FHIT: variants seen among roughly 807,000 people sequenced by gnomAD.
FHIT encodes bis(5'-adenosyl)-triphosphatase.
Under a neutral mutation model 17.9 loss-of-function variants are expected in FHIT, and 19 were observed. The ratio of observed to expected loss-of-function variants is 1.06; its 90% CI spans 0.74 to 1.56. The LOEUF is 1.56. Ranked by LOEUF, FHIT falls within the 40% of genes most tolerant of loss-of-function variation. The probability of loss-of-function intolerance (pLI) is 0.00; values close to 1 mark genes in which losing one functional copy is unlikely to be tolerated. For missense variants in FHIT, 248 were observed against 189.2 expected (o/e 1.31, Z -1.82); for synonymous variants, 81 against 69.7 (o/e 1.16, Z -0.81).
intron 5 of FHIT, among the ~76,000 whole-genome samples, chr3:60,402,780 G>A (rs1701712675): frequency 6.6e-6 from 1 of 152,064 alleles, no homozygotes; most frequent in South Asian, 2.1e-4. Flanking sequence ...CTTGAGGATT[G>A]GGAATATCAG....
intron 8 of FHIT, among the ~76,000 whole-genome samples, chr3:59,774,528 A>ATGAGT (rs1212472360): frequency 1.3e-5 from 2 of 152,228 alleles, no homozygotes; most frequent in African/African-American, 4.8e-5. Flanking sequence ...TGAAGATTAA[A>ATGAGT]TGAGTTGATA....
In FHIT at chr3:60,306,764, T is replaced by A. The variant is rs150120310; in HGVS notation, c.103+230096A>T. On this transcript the variant is annotated intron_variant, in intron 5 of 9. Coordinates refer to ENST00000492590, the MANE Select transcript of FHIT (RefSeq NM_002012.4). ...CAAACACATTACATGATTTTACAAA[T>A]TTAAGGGAATGTGTAGAAGGAGTAC... Among the ~76,000 whole-genome samples, 8 of 152,266 alleles carry A rather than the reference T, an allele frequency of 5.3e-5. No individual in the cohort carries two copies. The East Asian group carries it at 1.5e-3, about 29-fold the overall frequency.
intron 5 of FHIT, among the ~76,000 whole-genome samples, chr3:60,182,112 G>A (rs1370947288): frequency 6.6e-6 from 1 of 152,186 alleles, no homozygotes; most frequent in Non-Finnish European, 1.5e-5. Flanking sequence ...CATGGCACTT[G>A]TAAACTGTCC....
chr3:60,505,238 C>G (rs965732867), intron 5 of FHIT, among the ~76,000 whole-genome samples: 1 of 152,158 alleles, frequency 6.6e-6, no homozygotes, highest in Admixed American at 6.5e-5. Flanking sequence ...CAGGCCTCTG[C>G]TATGGCTAAG....
intron 2 of FHIT, among the ~76,000 whole-genome samples, chr3:61,086,624 C>T (rs183892321): frequency 3.3e-5 from 5 of 152,234 alleles, no homozygotes; most frequent in African/African-American, 1.2e-4. Flanking sequence ...AATGCACCTC[C>T]TCCCTCCAGG....
chr3:60,598,495 G>C (rs1300815578), intron 4 of FHIT, among the ~76,000 whole-genome samples: 2 of 151,748 alleles, frequency 1.3e-5, no homozygotes, highest in Non-Finnish European at 2.9e-5. Flanking sequence ...AATTCCACTG[G>C]GCAACAAAAA....
intron 9 of FHIT, chr3:59,751,905 C>A (rs1575598825): frequency 6.9e-6 from 2 of 291,052 alleles, no homozygotes; most frequent in African/African-American, 2.1e-5. Flanking sequence ...AGAAGTTGTG[C>A]ATGACAGAAG....
chr3:60,840,207 A>T (rs1473537461), intron 3 of FHIT, among the ~76,000 whole-genome samples: 2 of 152,184 alleles, frequency 1.3e-5, no homozygotes, highest in Non-Finnish European at 2.9e-5. Flanking sequence ...AGGAGCCAAA[A>T]ATCCTCACCC....
intron 4 of FHIT, among the ~76,000 whole-genome samples, chr3:60,757,522 C>G (rs1030139596): frequency 3.3e-5 from 5 of 152,094 alleles, no homozygotes; most frequent in African/African-American, 1.2e-4. Flanking sequence ...TCAAGCATGT[C>G]GAGGGTTGAA....
chr3:60,461,321 G>T (rs2032449281), intron 5 of FHIT, among the ~76,000 whole-genome samples: 1 of 152,112 alleles, frequency 6.6e-6, no homozygotes, highest in South Asian at 2.1e-4. Flanking sequence ...AGCACATTAT[G>T]CAACACTCTT....
intron 4 of FHIT, among the ~76,000 whole-genome samples, chr3:60,783,881 C>T (rs1299240884): frequency 6.6e-6 from 1 of 152,098 alleles, no homozygotes; most frequent in African/African-American, 2.4e-5. Context: ...CCCCTTTCTC[C>T]CGGATATTTA....
intron 4 of FHIT, among the ~76,000 whole-genome samples, chr3:60,547,070 T>C (rs1056416380): frequency 6.6e-6 from 1 of 152,174 alleles, no homozygotes; most frequent in Non-Finnish European, 1.5e-5. Context: ...TTTGTGCATC[T>C]CCAGGATCTG....
At chr3:60,033,645 C>T (rs1701093943) in intron 5 of FHIT, among the ~76,000 whole-genome samples, 1 of 152,140 alleles carries the variant, frequency 6.6e-6, no homozygotes, top group African/African-American at 2.4e-5. Flanking sequence ...TAAAATATTT[C>T]AGCAAAAACT....
chr3:59,863,431 G>A (rs1156978863), intron 8 of FHIT, among the ~76,000 whole-genome samples: 7 of 152,158 alleles, frequency 4.6e-5, no homozygotes, highest in Non-Finnish European at 8.8e-5. Flanking sequence ...CGCCTGCAAC[G>A]GATAACTTAT....
intron 3 of FHIT, among the ~76,000 whole-genome samples, chr3:60,837,792 T>C (rs1702586445): frequency 6.6e-6 from 1 of 152,116 alleles, no homozygotes; most frequent in African/African-American, 2.4e-5. Flanking sequence ...TTTTTAAAGG[T>C]TTCTCTAGGT....
intron 2 of FHIT, among the ~76,000 whole-genome samples, chr3:61,043,371 C>G (rs9880322): frequency 0.73 from 110,522 of 152,124 alleles, 41,952 homozygotes; most frequent in East Asian, 0.99. Context: ...GAGCCTTGCT[C>G]TCTGTTAGCA....
chr3:60,627,765 G>T (rs902091723), intron 4 of FHIT, among the ~76,000 whole-genome samples: 1 of 152,078 alleles, frequency 6.6e-6, no homozygotes, highest in Admixed American at 6.5e-5. Flanking sequence ...CACGTGATCC[G>T]CCCACCTCAG....
At chr3:59,968,419 G>C (rs1379735863) in intron 7 of FHIT, among the ~76,000 whole-genome samples, 1 of 151,612 alleles carries the variant, frequency 6.6e-6, no homozygotes, top group African/African-American at 2.4e-5. Flanking sequence ...CACTTTAGTA[G>C]GCTATCAAAA....
At chr3:59,873,712 T>C (rs998600239) in intron 8 of FHIT, among the ~76,000 whole-genome samples, 11 of 151,934 alleles carry the variant, frequency 7.2e-5, no homozygotes, top group Non-Finnish European at 1.3e-4. Context: ...CAATGCCAAA[T>C]GTGCCCCGGG....
Sources: allele counts gnomAD v4.1 joint callset (sites outside exome capture counted in the v4.1 genomes callset), GRCh38; gene constraint gnomAD v4.1.1; transcripts MANE v1.5; gene names NCBI Gene and HGNC (gene_info 2026-07-23, HGNC 2026-07-21).